The following RANBP17 variants were observed in gnomAD, a reference collection of about 807,000 sequenced individuals.
RANBP17 encodes the protein ran-binding protein 17.
In RANBP17, 158 loss-of-function variants were observed where a neutral mutation model predicts 141.2. The ratio of observed to expected loss-of-function variants is 1.12; its 90% CI spans 0.98 to 1.28. RANBP17 has a LOEUF of 1.28. Among genes scored for constraint, RANBP17 ranks in the 50% most tolerant of loss-of-function variants. The pLI, the probability that RANBP17 is intolerant of heterozygous loss-of-function variation, is 0.00. For synonymous variants in RANBP17, 430 were observed against 450.0 expected, an observed-to-expected ratio of 0.96 and a Z score of 0.56; for missense variants, 1,438 against 1,290.7, an observed-to-expected ratio of 1.11 and a Z score of -1.75.
intron 1 of RANBP17, among the ~76,000 whole-genome samples, chr5:170,874,196 G>A (rs1410660939): frequency 6.6e-6 from 1 of 152,184 alleles, no homozygotes; most frequent in African/African-American, 2.4e-5. Context: ...ACTGTGGTCA[G>A]TGAGACTGTT....
chr5:170,967,928 T>G (rs1218061221), intron 13 of RANBP17, among the ~76,000 whole-genome samples: 1 of 151,598 alleles, frequency 6.6e-6, no homozygotes, highest in East Asian at 1.9e-4. Flanking sequence ...TAGTATAGGG[T>G]TTTTTATGTG....
At chr5:170,940,939 T>G (rs1321822823) in intron 12 of RANBP17, among the ~76,000 whole-genome samples, 1 of 149,880 alleles carries the variant, frequency 6.7e-6, no homozygotes, top group East Asian at 2.0e-4. Flanking sequence ...GCTGATTGGT[T>G]AAAAAAAAAC....
At chr5:171,234,545 AG>A (rs1764415974) in intron 22 of RANBP17, among the ~76,000 whole-genome samples, 2 of 152,240 alleles carry the variant, frequency 1.3e-5, no homozygotes, top group Non-Finnish European at 2.9e-5. Flanking sequence ...GCAGTAATTC[AG>A]GCAAAGTTTG....
In RANBP17 at chr5:171,164,347, C is replaced by T. The variant is rs143855904; in HGVS notation, c.1711-5783C>T. 1.8e-3 allele frequency among the ~76,000 whole-genome samples: 267 copies of T among 152,226 alleles called. 1 individual carries two copies. The highest frequency in any genetic ancestry group is 5.6e-3 in the African/African-American group (234 of 41,570). On this transcript the variant is annotated intron_variant, in intron 14 of 27. Transcript: ENST00000523189. The stretch of plus-strand genomic sequence containing the variant: ...GTAAAAGAAATTTTAAAAATTATTT[C>T]GGCACATGCTTTTTTTATTCTTTAT...
chr5:171,007,993 C>CGG (rs1779772716), intron 14 of RANBP17, among the ~76,000 whole-genome samples: 1 of 152,104 alleles, frequency 6.6e-6, no homozygotes, highest in African/African-American at 2.4e-5. Flanking sequence ...CTGCAATTGA[C>CGG]TTGCCACCAA....
chr5:170,905,268 T>C (rs1486303134), intron 5 of RANBP17, among the ~76,000 whole-genome samples: 5 of 152,112 alleles, frequency 3.3e-5, no homozygotes, highest in African/African-American at 9.7e-5. Flanking sequence ...TTGGGTTCTA[T>C]GTGGAGTAAT....
chr5:170,867,698 G>C (rs1445990210), intron 1 of RANBP17, among the ~76,000 whole-genome samples: 1 of 152,084 alleles, frequency 6.6e-6, no homozygotes, highest in African/African-American at 2.4e-5. Flanking sequence ...TTTACTATTA[G>C]GGAACATTTA....
intron 14 of RANBP17, among the ~76,000 whole-genome samples, chr5:171,029,489 C>T (rs1781423760): frequency 6.6e-6 from 1 of 152,134 alleles, no homozygotes; most frequent in Non-Finnish European, 1.5e-5. Flanking sequence ...CTAACATTTG[C>T]ACTCATGGTC....
intron 14 of RANBP17, among the ~76,000 whole-genome samples, chr5:171,135,142 T>C (rs1289635525): frequency 6.6e-6 from 1 of 151,566 alleles, no homozygotes; most frequent in Non-Finnish European, 1.5e-5. Context: ...TAGCCAGGCA[T>C]GGTGGTTCAC....
At chr5:171,270,433 A>C (rs1042224706) in intron 25 of RANBP17, among the ~76,000 whole-genome samples, 1 of 152,184 alleles carries the variant, frequency 6.6e-6, no homozygotes. Flanking sequence ...AAGCATTTTT[A>C]TGTTATTAGA....
Position 170,984,892 on chromosome 5 carries a change from A to G in RANBP17, c.1710+16515A>G, listed in dbSNP as rs1368565778. On this transcript the variant is annotated intron_variant, in intron 14 of 27. Coordinates refer to ENST00000523189, the MANE Select transcript of RANBP17 (RefSeq NM_022897.5). Reference sequence around the variant, plus strand: ...ATTAAATGTCTATTAGAAAAGGTCCATTTTAATTTTTAATCCAATTAAAAT... The same window carrying G: ...ATTAAATGTCTATTAGAAAAGGTCCGTTTTAATTTTTAATCCAATTAAAAT... Among the ~76,000 whole-genome samples the G allele has an allele frequency of 2.0e-5, 3 of 152,176 alleles. No individual in the cohort carries two copies. The East Asian group carries it at 5.8e-4, about 29-fold the overall frequency.
intron 24 of RANBP17, among the ~76,000 whole-genome samples, chr5:171,256,615 T>A: frequency 6.6e-6 from 1 of 151,218 alleles, no homozygotes; most frequent in African/African-American, 2.4e-5. Flanking sequence ...ATACAAAGGA[T>A]CAACAAAACA....
At chr5:170,864,892 T>C (rs1767108394) in intron 1 of RANBP17, among the ~76,000 whole-genome samples, 1 of 152,222 alleles carries the variant, frequency 6.6e-6, no homozygotes, top group Non-Finnish European at 1.5e-5. Context: ...TGGGAGAAAC[T>C]ATGGAAGATC....
chr5:171,202,197 A>G (rs1226049471), intron 19 of RANBP17, among the ~76,000 whole-genome samples: 1 of 152,244 alleles, frequency 6.6e-6, no homozygotes, highest in Non-Finnish European at 1.5e-5. Flanking sequence ...TGAAGAAAAC[A>G]TTGAAATTTT....
At chr5:171,117,630 A>G (rs1416809127) in intron 14 of RANBP17, among the ~76,000 whole-genome samples, 2 of 152,016 alleles carry the variant, frequency 1.3e-5, no homozygotes, top group Admixed American at 6.6e-5. Context: ...AGTAGCTAGG[A>G]TTACAGATGC....
At chr5:170,867,085 A>AC (rs1353729071) in intron 1 of RANBP17, 1 of 152,202 alleles carries the variant, frequency 6.6e-6, no homozygotes, top group Non-Finnish European at 1.5e-5. Flanking sequence ...CTGTAGTGGG[A>AC]CCATGCCCTT....
intron 12 of RANBP17, among the ~76,000 whole-genome samples, chr5:170,942,244 C>T (rs1774382670): frequency 6.6e-6 from 1 of 152,170 alleles, no homozygotes; most frequent in African/African-American, 2.4e-5. Context: ...GTATTCCATG[C>T]AACCTGTGCC....
rs1349971386 is a variant in RANBP17, at chr5:171,274,129, TGTGTGTGTGTGTGTGTGTGTGCGC to T, written c.2943+8284_2943+8307del. 4.0e-3 allele frequency among the ~76,000 whole-genome samples: 516 copies of T among 127,552 alleles called. 4 individuals carry two copies. The highest frequency in any genetic ancestry group is 0.014 in the African/African-American group (491 of 35,252). The allele number at this position is 127,552 out of a possible 152,430, so 83.7% of individuals were successfully genotyped here. A position where few individuals can be genotyped will look rare whatever the true frequency, so the allele number is the denominator to read the frequency against. Reference sequence around the variant, plus strand: ...TTGATCAAGTGTGTGTGTGTGTGTGTGTGTGTGTGTGTGTGTGTGTGCGCGCGCGCGCGCGTGCGCAAAATCTAA... The same window carrying T: ...TTGATCAAGTGTGTGTGTGTGTGTGTGCGCGCGCGCGTGCGCAAAATCTAA... On this transcript the variant is annotated intron_variant, in intron 25 of 27. Transcript: ENST00000523189.
chr5:171,069,894 CT>C (rs1784534285), intron 14 of RANBP17, among the ~76,000 whole-genome samples: 1 of 152,102 alleles, frequency 6.6e-6, no homozygotes, highest in Admixed American at 6.6e-5. Context: ...GGTAGGTTTG[CT>C]GTAGTGCTGT....
Sources: allele counts gnomAD v4.1 joint callset (sites outside exome capture counted in the v4.1 genomes callset), GRCh38; gene constraint gnomAD v4.1.1; transcripts MANE v1.5; gene names NCBI Gene and HGNC (gene_info 2026-07-23, HGNC 2026-07-21).